The following CHD7 variants were observed in gnomAD, a reference collection of about 807,000 sequenced individuals.
CHD7 encodes chromodomain helicase DNA binding protein 7, also known as ATP-dependent chromatin remodeler CHD7.
CHD7 carries 24 observed loss-of-function variants against 307.3 expected under a neutral mutation model. The ratio of observed to expected loss-of-function variants is 0.08; its 90% CI spans 0.06 to 0.11. The LOEUF (loss-of-function observed/expected upper bound fraction) is 0.11, where lower values mean the gene tolerates loss of function less well. Ranked by LOEUF, CHD7 falls within the 10% of genes least tolerant of loss-of-function variation. The probability of loss-of-function intolerance (pLI) is 1.00; values close to 1 mark genes in which losing one functional copy is unlikely to be tolerated. For synonymous variants in CHD7, 1,363 were observed against 1,349.9 expected, an observed-to-expected ratio of 1.01 and a Z score of -0.21; for missense variants, 3,106 against 3,727.1, an observed-to-expected ratio of 0.83 and a Z score of 4.34.
At position 60,865,821 on chromosome 8, in the gene CHD7, G is replaced by T; in HGVS notation, c.8882G>T (p.Ser2961Ile). ...ETLEGSDAEE[S>I]LDKTAESSLL... The stretch of plus-strand genomic sequence containing the variant: ...CTTGAAGGCAGCGATGCCGAGGAGA[G>T]CCTGGATAAGACTGCAGAGTCCTCC... Residue 2961 changes from serine (S) to isoleucine (I), a missense_variant, in exon 38 of 38, where the codon AGC (serine) becomes ATC (isoleucine). Around this residue, in one of 10 missense-constraint regions of CHD7, gnomAD observed 351 missense variants for 366.2 expected, o/e 0.96. Transcript: ENST00000423902. This position sits in a 1 kb window ranked among gnomAD's most constrained non-coding sequence, Gnocchi z 4.3. 1.2e-6 allele frequency: 2 copies of T among 1,613,902 alleles called. No homozygotes were observed. The highest frequency in any genetic ancestry group is 1.7e-6 in the Non-Finnish European group (2 of 1,179,836).
intron 35 of CHD7, chr8:60,861,399 T>C (rs887346580): frequency 1.7e-5 from 6 of 348,994 alleles, no homozygotes; most frequent in Middle Eastern, 7.5e-4. Context: ...TGTGACTTCT[T>C]CAGTTATTCT....
At chr8:60,855,290 A>G (rs1328177042) in intron 32 of CHD7, 3 of 152,180 alleles carry the variant, frequency 2.0e-5, no homozygotes, top group African/African-American at 7.2e-5. Context: ...TGTTATGCTA[A>G]CCTCCTTTAT....
intron 1 of CHD7, among the ~76,000 whole-genome samples, chr8:60,697,428 C>T (rs1379788742): frequency 6.6e-6 from 1 of 152,162 alleles, no homozygotes; most frequent in African/African-American, 2.4e-5. Context: ...ATTATTATAT[C>T]TTCTATAGCA....
chr8:60,758,630 A>T (rs1449901749), intron 2 of CHD7, among the ~76,000 whole-genome samples: 1 of 152,184 alleles, frequency 6.6e-6, no homozygotes, highest in African/African-American at 2.4e-5. Flanking sequence ...ATTACTGCCA[A>T]ATACTTGAGT....
At chr8:60,712,501 A>G (rs1386168145) in intron 1 of CHD7, among the ~76,000 whole-genome samples, 1 of 152,208 alleles carries the variant, frequency 6.6e-6, no homozygotes, top group Admixed American at 6.5e-5. Context: ...CATCAGGTCC[A>G]TTAACTCAGG....
At chr8:60,732,055 A>C (rs1808480877) in intron 1 of CHD7, among the ~76,000 whole-genome samples, 1 of 152,236 alleles carries the variant, frequency 6.6e-6, no homozygotes, top group Non-Finnish European at 1.5e-5. Context: ...CAAAGAGAAT[A>C]GACAAATTCT....
chr8:60,728,212 C>G (rs1045527806), intron 1 of CHD7, among the ~76,000 whole-genome samples: 3 of 152,222 alleles, frequency 2.0e-5, no homozygotes, highest in Non-Finnish European at 4.4e-5. Flanking sequence ...ACTCTGAAAG[C>G]TGGAACAGAT....
rs1391622750 is a variant in CHD7 at position 60,742,649 on chromosome 8, C to A, written c.1217C>A (p.Ala406Glu). 3 of 1,610,688 alleles carry A rather than the reference C, an allele frequency of 1.9e-6. No individual in the cohort carries two copies. The highest frequency in any genetic ancestry group is 1.3e-5 in the African/African-American group (1 of 74,884). Residue 406 changes from alanine (A) to glutamate (E), a missense_variant, in exon 2 of 38, where the codon GCA becomes GAA. Coordinates refer to ENST00000423902, the MANE Select transcript of CHD7 (RefSeq NM_017780.4). ...CCCATGAAAGCAATGAGTAATCCAG[C>A]AGGCACTCCTCCTCCACAAGTCAGG... ...MSPMKAMSNP[A>E]GTPPPQVRPG...
chr8:60,796,086 T>G (rs1324540604), intron 4 of CHD7, among the ~76,000 whole-genome samples: 3 of 152,222 alleles, frequency 2.0e-5, no homozygotes, highest in Non-Finnish European at 2.9e-5. Flanking sequence ...GCTTTTTGTT[T>G]GTTAGAGTAG....
intron 2 of CHD7, among the ~76,000 whole-genome samples, chr8:60,779,686 G>T (rs1270601899): frequency 6.6e-6 from 1 of 152,104 alleles, no homozygotes; most frequent in Non-Finnish European, 1.5e-5. Context: ...GTAAGCCTTG[G>T]CGTGTACAGT....
intron 1 of CHD7, among the ~76,000 whole-genome samples, chr8:60,724,385 G>C (rs1014499316): frequency 6.6e-6 from 1 of 152,246 alleles, no homozygotes; most frequent in Non-Finnish European, 1.5e-5. Flanking sequence ...TGGGTGACTA[G>C]ATTAAGGTTG....
chr8:60,827,002 G>A (rs1007861071), intron 13 of CHD7, among the ~76,000 whole-genome samples: 21 of 152,142 alleles, frequency 1.4e-4, no homozygotes, highest in African/African-American at 4.6e-4. Context: ...CATAGTAATC[G>A]TGTATTTTTT....
chr8:60,679,978 G>A (rs1450549625), intron 1 of CHD7, among the ~76,000 whole-genome samples: 1 of 151,922 alleles, frequency 6.6e-6, no homozygotes, highest in East Asian at 1.9e-4. Flanking sequence ...GAAAGGGAGC[G>A]GGGCCGGGGC....
chr8:60,680,781 A>G (rs1265606708), intron 1 of CHD7, among the ~76,000 whole-genome samples: 3 of 152,246 alleles, frequency 2.0e-5, no homozygotes, highest in South Asian at 4.1e-4. Flanking sequence ...TTGAATTGCT[A>G]GAATTAGATA....
At chr8:60,708,230 T>C (rs184643374) in intron 1 of CHD7, among the ~76,000 whole-genome samples, 1 of 152,348 alleles carries the variant, frequency 6.6e-6, no homozygotes, top group Non-Finnish European at 1.5e-5. Context: ...GCTTTAAGTA[T>C]GAGGTATTCG....
intron 2 of CHD7, among the ~76,000 whole-genome samples, chr8:60,749,370 CAAAAAA>C (rs55661758): frequency 8.0e-4 from 45 of 56,304 alleles, no homozygotes; most frequent in East Asian, 3.0e-3. Flanking sequence ...GACTCTGTAT[CAAAAAA>C]AAAAAAAAAA....
intron 1 of CHD7, among the ~76,000 whole-genome samples, chr8:60,695,067 T>TG (rs1408920738): frequency 2.6e-5 from 4 of 151,194 alleles, no homozygotes; most frequent in African/African-American, 7.3e-5. Flanking sequence ...ACATTCAGGG[T>TG]GGGGGGAAGA....
chr8:60,743,339 G>T (rs559617303), intron 2 of CHD7, among the ~76,000 whole-genome samples: 1 of 152,208 alleles, frequency 6.6e-6, no homozygotes, highest in African/African-American at 2.4e-5. Context: ...AAGGAGCTGG[G>T]TCACCGCTAG....
At position 60,856,361 on chromosome 8, in the gene CHD7, T is replaced by G. The variant is rs570000825; in HGVS notation, c.7165-84T>G. 15 of 1,360,910 alleles carry G rather than the reference T, an allele frequency of 1.1e-5. No homozygotes were observed. The East Asian group carries it at 3.5e-4, about 32-fold the overall frequency. 84.3% of individuals were successfully genotyped at this position (1,360,910 alleles called of 1,614,324 possible). Reference sequence around the variant, plus strand: ...ATGAATGCTTAATTCCTTAAGCTTCTTGTTCCTTATTTCTAAAAGCCAGCC... The same window carrying G: ...ATGAATGCTTAATTCCTTAAGCTTCGTGTTCCTTATTTCTAAAAGCCAGCC... On this transcript the variant is annotated intron_variant, in intron 33 of 37. Coordinates refer to ENST00000423902, the MANE Select transcript of CHD7 (RefSeq NM_017780.4).
Sources: allele counts gnomAD v4.1 joint callset (sites outside exome capture counted in the v4.1 genomes callset), GRCh38; gene constraint gnomAD v4.1.1; regional missense constraint gnomAD v4.1.1; non-coding constraint Gnocchi (gnomAD v3.1); transcripts MANE v1.5; gene names NCBI Gene and HGNC (gene_info 2026-07-23, HGNC 2026-07-21).